Variants in INPP5K observed in about 807,000 individuals in gnomAD.
INPP5K encodes inositol polyphosphate-5-phosphatase K.
A neutral mutation model predicts 53.5 loss-of-function variants in INPP5K; 35 were observed. The ratio of observed to expected loss-of-function variants is 0.65; its 90% CI spans 0.50 to 0.87. The LOEUF (loss-of-function observed/expected upper bound fraction) is 0.87. INPP5K is among the 40% of genes least tolerant of loss of function. INPP5K has a pLI of 0.00. For missense variants in INPP5K, 550 were observed against 586.2 expected, an observed-to-expected ratio of 0.94 and a Z score of 0.64; for synonymous variants, 253 against 232.8, an observed-to-expected ratio of 1.09 and a Z score of -0.79.
Position 1,511,546 on chromosome 17 carries a change from C to T in INPP5K, c.262-1747G>A, listed in dbSNP as rs367843171. 1.2e-4 allele frequency among the ~76,000 whole-genome samples: 19 copies of T among 152,236 alleles called. No individual in the cohort carries two copies. In the East Asian group the frequency reaches 2.1e-3, roughly 17 times the overall value. On this transcript the variant is annotated intron_variant, in intron 3 of 11. Coordinates refer to ENST00000421807, the MANE Select transcript of INPP5K (RefSeq NM_016532.4). Reference sequence around the variant, plus strand: ...GCCACGAGCCCTGGCATAGCGGAGTCGAAGCAGGGGGAACCTCAAACCCAG... The same window carrying T: ...GCCACGAGCCCTGGCATAGCGGAGTTGAAGCAGGGGGAACCTCAAACCCAG...
chr17:1,499,990 C>T (rs1457261790), intron 7 of INPP5K, among the ~76,000 whole-genome samples: 2 of 152,204 alleles, frequency 1.3e-5, no homozygotes, highest in African/African-American at 4.8e-5. Context: ...GCTGTGTTGC[C>T]CAGGCTGAGT....
chr17:1,499,330 TA>T (rs1393939794), intron 7 of INPP5K, among the ~76,000 whole-genome samples: 3 of 152,174 alleles, frequency 2.0e-5, no homozygotes, highest in African/African-American at 7.2e-5. Flanking sequence ...GACTCTCTAC[TA>T]AAAGTACAAA....
chr17:1,515,714 T>C, intron 1 of INPP5K: 1 of 686,840 alleles, frequency 1.5e-6, no homozygotes, highest in Non-Finnish European at 1.8e-6. Flanking sequence ...TTGGCCAGTT[T>C]AAAGCAACTT....
intron 7 of INPP5K, among the ~76,000 whole-genome samples, chr17:1,503,177 C>T (rs543467679): frequency 4.7e-5 from 7 of 149,746 alleles, no homozygotes; most frequent in Non-Finnish European, 7.4e-5. Context: ...TGACCCATCA[C>T]GCCTGGCCTT....
Position 1,506,974 on chromosome 17 carries a change from C to A in INPP5K, c.776+6G>T. On this transcript the variant is annotated splice_donor_region_variant and intron_variant, in intron 7 of 11. Coordinates refer to ENST00000421807, the MANE Select transcript of INPP5K (RefSeq NM_016532.4). The stretch of plus-strand genomic sequence containing the variant: ...TAGACCTTCTGGCCCCCCACTCCCT[C>A]CTCACCTGGTGTCATAGTCGTTGGA... 1.9e-6 allele frequency: 3 copies of A among 1,607,020 alleles called. No homozygotes were observed. The highest frequency in any genetic ancestry group is 2.6e-6 in the Non-Finnish European group (3 of 1,173,708).
intron 6 of INPP5K, chr17:1,507,545 T>TA (rs1160913474): frequency 6.9e-6 from 1 of 145,128 alleles, no homozygotes; most frequent in African/African-American, 2.5e-5. Flanking sequence ...ATTCTTCTTC[T>TA]TTTTTTTTTT....
intron 7 of INPP5K, among the ~76,000 whole-genome samples, chr17:1,506,709 A>G (rs562460605): frequency 2.0e-5 from 3 of 151,994 alleles, no homozygotes; most frequent in African/African-American, 7.2e-5. Context: ...CAGCTGCTCC[A>G]CCCTCTCCTC....
chr17:1,514,695 G>A (rs1024442221), intron 1 of INPP5K, among the ~76,000 whole-genome samples: 9 of 151,916 alleles, frequency 5.9e-5, no homozygotes, highest in East Asian at 5.8e-4. Flanking sequence ...TGGCTCAGTC[G>A]GCAACTTCTG....
intron 5 of INPP5K, among the ~76,000 whole-genome samples, chr17:1,508,788 G>GT (rs1201574776): frequency 1.1e-4 from 13 of 115,504 alleles, no homozygotes; most frequent in Admixed American, 9.5e-5. Flanking sequence ...GTGGCGGTCA[G>GT]CTGGGGCAGA....
In INPP5K at chr17:1,502,151, C is replaced by G. The variant is rs201742927; in HGVS notation, c.777-4029G>C. Among the ~76,000 whole-genome samples, 14 of 151,972 alleles carry G rather than the reference C, an allele frequency of 9.2e-5. No homozygotes were observed. The East Asian group carries it at 1.4e-3, about 15-fold the overall frequency. On this transcript the variant is annotated intron_variant, in intron 7 of 11. Transcript: ENST00000421807. ...GATCATGAGGTCAGGACATGGAGAC[C>G]ATCCTGGCTAACATGGTGAAACCCC...
In INPP5K at chr17:1,495,183, C is replaced by G. The variant is rs1384698945; in HGVS notation, c.*640G>C. On this transcript the variant is annotated 3_prime_UTR_variant, in exon 12 of 12. Coordinates refer to ENST00000421807, the MANE Select transcript of INPP5K (RefSeq NM_016532.4). ...ACTTCCATGCAGTCAGACTCCATGC[C>G]GTGAGTAGGGAGGAAGGTTGTGCTG... 1 of 152,234 alleles carries G rather than the reference C, an allele frequency of 6.6e-6. No individual in the cohort carries two copies. Among genetic ancestry groups the G allele is most frequent in the East Asian group, 1.9e-4 (1 of 5,200 alleles). The allele number at this position is 152,234 out of a possible 1,614,324, so 9.4% of individuals were successfully genotyped here.
chr17:1,509,811 A>G lies in INPP5K; in HGVS notation c.262-12T>C, dbSNP rs758616400. Reference sequence around the variant, plus strand: ...CGGACATGGGAGACCTGCAGGAGAGAGAGGGCAAAGGTCGCTCATTAAACC... The same window carrying G: ...CGGACATGGGAGACCTGCAGGAGAGGGAGGGCAAAGGTCGCTCATTAAACC... On this transcript the variant is annotated splice_polypyrimidine_tract_variant and intron_variant, in intron 3 of 11. Coordinates refer to ENST00000421807, the MANE Select transcript of INPP5K (RefSeq NM_016532.4). 1 of 1,554,906 alleles carries G rather than the reference A, an allele frequency of 6.4e-7. No homozygotes were observed.
At chr17:1,516,264 C>A (rs2075434367) in intron 1 of INPP5K, 192 bp downstream of exon 1, 1 of 862,300 alleles carries the variant, frequency 1.2e-6, no homozygotes, top group Non-Finnish European at 1.7e-6. Flanking sequence ...ACGAGCTTGG[C>A]GGCCTCGGCT....
At position 1,513,916 on chromosome 17, in the gene INPP5K, A is replaced by G; in HGVS notation, c.108T>C (p.Leu36=). The change falls in exon 2 of 12, where the codon CTT becomes CTC. Residue 36 remains leucine (L), a synonymous_variant. Transcript: ENST00000421807. The part of the protein sequence containing the change: ...AAPPLDLSDL[L]QLNNRNLNLD... ...GATTGAGGTTCCGGTTGTTCAGCTG[A>G]AGCAGGTCACTGAGATCTAGAGGGG... The G allele has an allele frequency of 6.2e-7, 1 of 1,613,640 alleles. No homozygotes were observed. Among genetic ancestry groups the G allele is most frequent in the Non-Finnish European group, 8.5e-7 (1 of 1,179,686 alleles).
rs769300414 is a variant in INPP5K at position 1,496,048 on chromosome 17, A to G, written c.1290+12T>C. On this transcript the variant is annotated intron_variant, in intron 11 of 11. Transcript: ENST00000421807. ...CCCTCACCCTTCCCCTTCCCTCACC[A>G]GCACTGCTTACCTGGAAGGGTCTGC... 1.0e-5 allele frequency: 16 copies of G among 1,575,102 alleles called. No homozygotes were observed. Among genetic ancestry groups the G allele is most frequent in the Non-Finnish European group, 1.3e-5 (15 of 1,144,808 alleles).
At chr17:1,501,993 T>C (rs940451950) in intron 7 of INPP5K, among the ~76,000 whole-genome samples, 2 of 149,194 alleles carry the variant, frequency 1.3e-5, no homozygotes, top group African/African-American at 2.5e-5. Context: ...CAAGATTGCA[T>C]TGTTGCATTC....
intron 7 of INPP5K, among the ~76,000 whole-genome samples, chr17:1,503,654 G>A (rs1452901249): frequency 6.6e-6 from 1 of 152,038 alleles, no homozygotes. Flanking sequence ...GGAGGCGGAC[G>A]TTGCAGTGAG....
chr17:1,500,367 G>GTTTTT (rs753820335), intron 7 of INPP5K, among the ~76,000 whole-genome samples: 1 of 145,234 alleles, frequency 6.9e-6, no homozygotes, highest in Non-Finnish European at 1.5e-5. Flanking sequence ...TGCTTCCAAA[G>GTTTTT]TTTTTTTTTT....
chr17:1,502,584 A>G (rs1386466498), intron 7 of INPP5K, among the ~76,000 whole-genome samples: 1 of 142,458 alleles, frequency 7.0e-6, no homozygotes, highest in Non-Finnish European at 1.5e-5. Flanking sequence ...CACTGGGCAT[A>G]CCAAGATTTA....
Sources: gnomAD v4.1 joint callset for allele counts (sites outside exome capture counted in the v4.1 genomes callset) on GRCh38, gnomAD v4.1.1 for gene constraint, MANE v1.5 for transcripts, NCBI Gene and HGNC (gene_info 2026-07-23, HGNC 2026-07-21) for gene names.